The following RSPO2 variants were observed in gnomAD, a reference collection of about 807,000 sequenced individuals.
RSPO2 encodes R-spondin 2.
A neutral mutation model predicts 30.9 loss-of-function variants in RSPO2; 14 were observed. The ratio of observed to expected loss-of-function variants is 0.45; its 90% confidence interval spans 0.30 to 0.71. The LOEUF is 0.71. RSPO2 is among the 30% of genes least tolerant of loss of function. The pLI, the probability that RSPO2 is intolerant of heterozygous loss-of-function variation, is 0.08. For synonymous variants in RSPO2, 107 were observed against 96.4 expected, an observed-to-expected ratio of 1.11 and a Z score of -0.64; for missense variants, 264 against 301.9, an observed-to-expected ratio of 0.87 and a Z score of 0.93.
chr8:107,909,127 G>C (rs1040429515), intron 5 of RSPO2, among the ~76,000 whole-genome samples: 1 of 152,136 alleles, frequency 6.6e-6, no homozygotes, highest in African/African-American at 2.4e-5. Context: ...CTTCTGCAAG[G>C]TGGTTTAGAT....
intron 5 of RSPO2, among the ~76,000 whole-genome samples, chr8:107,905,128 T>C (rs1461999829): frequency 6.6e-6 from 1 of 152,106 alleles, no homozygotes; most frequent in Non-Finnish European, 1.5e-5. Context: ...GTGATTTCAT[T>C]CTTTCATAAA....
chr8:107,971,092 C>T (rs1235702979), intron 3 of RSPO2, among the ~76,000 whole-genome samples: 1 of 152,154 alleles, frequency 6.6e-6, no homozygotes, highest in Non-Finnish European at 1.5e-5. Context: ...AAAACTAAAG[C>T]ACTAGGTGTA....
At chr8:107,914,462 TA>T (rs35990028) in intron 5 of RSPO2, among the ~76,000 whole-genome samples, 1,801 of 142,516 alleles carry the variant, frequency 0.013, 16 homozygotes, top group African/African-American at 0.032. Flanking sequence ...ACAGAATAGG[TA>T]AAAAAAAAAA....
intron 3 of RSPO2, among the ~76,000 whole-genome samples, chr8:107,964,382 C>T (rs1328637358): frequency 6.6e-6 from 1 of 152,190 alleles, no homozygotes. Flanking sequence ...GCTGAGATTA[C>T]AGGCATCATG....
intron 3 of RSPO2, among the ~76,000 whole-genome samples, chr8:107,987,119 TAGA>T (rs1280366098): frequency 6.6e-6 from 1 of 152,188 alleles, no homozygotes; most frequent in Non-Finnish European, 1.5e-5. Context: ...GTACTTTAGC[TAGA>T]AGACCTTAGG....
intron 2 of RSPO2, among the ~76,000 whole-genome samples, chr8:108,028,620 C>T (rs1221632911): frequency 1.3e-5 from 2 of 152,204 alleles, no homozygotes; most frequent in Admixed American, 1.3e-4. Flanking sequence ...TAGGAATTTG[C>T]TTGCCATTTC....
chr8:108,079,688 A>G (rs1396618548), intron 2 of RSPO2, among the ~76,000 whole-genome samples: 1 of 150,716 alleles, frequency 6.6e-6, no homozygotes, highest in Non-Finnish European at 1.5e-5. Context: ...TTATTCGCAG[A>G]TGGAATATGG....
At chr8:108,074,922 C>T (rs1280637013) in intron 2 of RSPO2, among the ~76,000 whole-genome samples, 4 of 152,192 alleles carry the variant, frequency 2.6e-5, no homozygotes. Flanking sequence ...GTGGTCTCTT[C>T]ATACTTACAG....
intron 2 of RSPO2, among the ~76,000 whole-genome samples, chr8:108,020,808 A>G (rs1811039770): frequency 6.6e-6 from 1 of 152,188 alleles, no homozygotes; most frequent in African/African-American, 2.4e-5. Context: ...CCACTATAGT[A>G]TCACTCTGAG....
chr8:108,028,916 G>A (rs1811313120), intron 2 of RSPO2, among the ~76,000 whole-genome samples: 1 of 151,170 alleles, frequency 6.6e-6, no homozygotes, highest in Non-Finnish European at 1.5e-5. Context: ...GGGCCTTGCA[G>A]GTACCAAACA....
chr8:108,054,682 G>A (rs1812187766), intron 2 of RSPO2, among the ~76,000 whole-genome samples: 1 of 152,168 alleles, frequency 6.6e-6, no homozygotes, highest in Non-Finnish European at 1.5e-5. Context: ...CTAGATGTAG[G>A]GCACAATAAG....
intron 5 of RSPO2, among the ~76,000 whole-genome samples, chr8:107,943,490 T>C (rs1368070238): frequency 6.6e-6 from 1 of 152,224 alleles, no homozygotes; most frequent in African/African-American, 2.4e-5. Flanking sequence ...CTACTACTGA[T>C]GTTATAGTTT....
chr8:107,958,180 T>G lies in RSPO2; in HGVS notation c.516A>C (p.Arg172Ser). 6.2e-7 allele frequency: 1 copy of G among 1,613,968 alleles called. No individual in the cohort carries two copies. Among genetic ancestry groups the G allele is most frequent in the Non-Finnish European group, 8.5e-7 (1 of 1,179,858 alleles). The change falls in exon 5 of 6, where the codon AGA (arginine) becomes AGC (serine). Residue 172 changes from arginine to serine, a missense_variant. Coordinates refer to ENST00000276659, the MANE Select transcript of RSPO2 (RefSeq NM_178565.5). ...TCGFKWGLET[R>S]TRQIVKKPVK... ...CTGGCTTTTTAACAATTTGCCGTGT[T>G]CTGGTTTCCAGACCCCATTTAAATC...
At chr8:107,984,522 A>G (rs868463513) in intron 3 of RSPO2, among the ~76,000 whole-genome samples, 2 of 152,212 alleles carry the variant, frequency 1.3e-5, no homozygotes, top group Admixed American at 6.5e-5. Flanking sequence ...CCTCAAGACT[A>G]TCAGAAGAAA....
In RSPO2 at chr8:108,063,343, T is replaced by C. The variant is rs559209109; in HGVS notation, c.94+19202A>G. Among the ~76,000 whole-genome samples the C allele has an allele frequency of 1.3e-3, 202 of 151,856 alleles. 2 individuals are homozygous for C. Among genetic ancestry groups the C allele is most frequent in the South Asian group, 9.8e-3 (47 of 4,804 alleles). ...GCAACTTCAGCAAAGTCTCAGGATATAAAATCAACCGGCAAAAATCACAAG... is the reference window on the plus strand; with the variant it reads ...GCAACTTCAGCAAAGTCTCAGGATACAAAATCAACCGGCAAAAATCACAAG... On this transcript the variant is annotated intron_variant, in intron 2 of 5. Coordinates refer to ENST00000276659, the MANE Select transcript of RSPO2 (RefSeq NM_178565.5).
intron 5 of RSPO2, among the ~76,000 whole-genome samples, chr8:107,913,412 G>T (rs944989297): frequency 2.0e-5 from 3 of 152,154 alleles, no homozygotes; most frequent in African/African-American, 7.2e-5. Flanking sequence ...ATAACCAATG[G>T]TATATTTTGT....
In RSPO2 at chr8:107,900,117, A is replaced by ATGTTTTCAGTT. The variant is rs1399150089; in HGVS notation, c.*947_*957dup. 31 of 152,190 alleles carry ATGTTTTCAGTT rather than the reference A, an allele frequency of 2.0e-4. No individual in the cohort carries two copies. The highest frequency in any genetic ancestry group is 7.5e-4 in the African/African-American group (31 of 41,444). 9.4% of individuals were successfully genotyped at this position (152,190 alleles called of 1,614,324 possible). A position where few individuals can be genotyped will look rare whatever the true frequency, so the allele number is the denominator to read the frequency against. Reference sequence around the variant, plus strand: ...TACAAGTGACTGGATATAGTCCCTCATGTTTTCAGTTGTGTTTCATCAAAG... The same window carrying ATGTTTTCAGTT: ...TACAAGTGACTGGATATAGTCCCTCATGTTTTCAGTTTGTTTTCAGTTGTGTTTCATCAAAG... On this transcript the variant is annotated 3_prime_UTR_variant, in exon 6 of 6. Coordinates refer to ENST00000276659, the MANE Select transcript of RSPO2 (RefSeq NM_178565.5).
At chr8:108,023,762 G>A (rs1256782010) in intron 2 of RSPO2, among the ~76,000 whole-genome samples, 1 of 152,154 alleles carries the variant, frequency 6.6e-6, no homozygotes, top group Non-Finnish European at 1.5e-5. Context: ...TAAGGCTACT[G>A]ACAATAAAAG....
At chr8:107,972,942 G>A (rs894365580) in intron 3 of RSPO2, among the ~76,000 whole-genome samples, 1 of 152,102 alleles carries the variant, frequency 6.6e-6, no homozygotes, top group Non-Finnish European at 1.5e-5. Context: ...TATTTTTAAT[G>A]GGATTTGAAA....
Sources: gnomAD v4.1 joint callset for allele counts (sites outside exome capture counted in the v4.1 genomes callset) on GRCh38, gnomAD v4.1.1 for gene constraint, MANE v1.5 for transcripts, NCBI Gene and HGNC (gene_info 2026-07-23, HGNC 2026-07-21) for gene names.